The following SAMD11 variants were observed in gnomAD, a reference collection of about 807,000 sequenced individuals.
SAMD11 encodes the protein sterile alpha motif domain containing 11.
SAMD11 carries 77 observed loss-of-function variants against 64.4 expected under a neutral mutation model. The observed-to-expected ratio is 1.20, with a 90% CI of 0.99 to 1.44. The LOEUF is 1.44. Among genes scored for constraint, SAMD11 ranks in the 40% most tolerant of loss-of-function variants. SAMD11 has a pLI of 0.00. For synonymous variants in SAMD11, 658 were observed against 421.9 expected (o/e 1.56, Z -6.86); for missense variants, 1,402 against 943.3 (o/e 1.49, Z -6.37).
chr1:941,253 G>A lies in SAMD11; in HGVS notation c.1305G>A (p.Leu435=). The A allele has an allele frequency of 1.2e-6, 2 of 1,602,350 alleles. No individual in the cohort carries two copies. The highest frequency in any genetic ancestry group is 1.1e-5 in the South Asian group (1 of 89,620). ...STAGQRRKQG[L]AQHREGAAPA... Reference sequence around the variant, plus strand: ...CAGGTCAGCGTCGGAAGCAGGGCCTGGCTCAGCACCGGGAGGGCGCCGCCC... The same window carrying A: ...CAGGTCAGCGTCGGAAGCAGGGCCTAGCTCAGCACCGGGAGGGCGCCGCCC... Residue 435 remains leucine, a synonymous_variant, in exon 8 of 14, where the codon CTG becomes CTA. Transcript: ENST00000616016.
chr1:940,943 C>A, intron 7 of SAMD11: 1 of 526,318 alleles, frequency 1.9e-6, no homozygotes, highest in Non-Finnish European at 3.3e-6. Flanking sequence ...CTTTTCCCGA[C>A]ACTTCCTCGC....
In SAMD11 at chr1:944,035, C is replaced by G; in HGVS notation, c.2417C>G (p.Thr806Arg). ...GGAGAGCAGCCCTTGTCCCCCACGA[C>G]GGCCACGTCCCCCTATGGAGGGGGC... is the stretch of plus-strand genomic sequence containing the variant. ...GTGEQPLSPT[T>R]ATSPYGGGHA... Residue 806 changes from threonine (T) to arginine (R), a missense_variant, in exon 14 of 14, where the codon ACG (threonine) becomes AGG (arginine). Thr to Arg is a moderately conservative substitution (Grantham distance 71, BLOSUM62 -1). Transcript: ENST00000616016. 2 of 1,612,876 alleles carry G rather than the reference C, an allele frequency of 1.2e-6. No individual in the cohort carries two copies. The highest frequency in any genetic ancestry group is 1.7e-6 in the Non-Finnish European group (2 of 1,180,000).
chr1:939,591 C>A, intron 7 of SAMD11, 179 bp downstream of exon 7: 1 of 1,189,220 alleles, frequency 8.4e-7, no homozygotes, highest in Non-Finnish European at 1.2e-6. Context: ...CACGTCCTGC[C>A]CCATGCCCCC....
rs28453979 is a variant in SAMD11 at position 944,539 on chromosome 1, T to C, written c.*386T>C. 4.8e-6 allele frequency: 3 copies of C among 621,932 alleles called. No homozygotes were observed. The highest frequency in any genetic ancestry group is 3.7e-5 in the African/African-American group (2 of 53,408). 38.5% of individuals were successfully genotyped at this position (621,932 alleles called of 1,614,324 possible). A position where few individuals can be genotyped will look rare whatever the true frequency, so the allele number is the denominator to read the frequency against. On this transcript the variant is annotated 3_prime_UTR_variant, in exon 14 of 14. Coordinates refer to ENST00000616016, the MANE Select transcript of SAMD11 (RefSeq NM_001385641.1). Reference sequence around the variant, plus strand: ...AGCCCAGCCCAGCTCTCGATACGTTTGGTCTTTCATGCTGAAAAATAAATA... The same window carrying C: ...AGCCCAGCCCAGCTCTCGATACGTTCGGTCTTTCATGCTGAAAAATAAATA...
At chr1:937,044 C>T (rs549231706) in intron 5 of SAMD11, among the ~76,000 whole-genome samples, 2 of 152,272 alleles carry the variant, frequency 1.3e-5, no homozygotes, top group African/African-American at 4.8e-5. Flanking sequence ...TGTTCGTGCA[C>T]TTCCGGGCTC....
chr1:940,293 G>GCCCCCCCCCCCCCCCC, intron 7 of SAMD11: 2 of 37,012 alleles, frequency 5.4e-5, no homozygotes, highest in Admixed American at 6.8e-4. Flanking sequence ...AGGCCGCGCC[G>GCCCCCCCCCCCCCCCC]CCGCCCCCCC....
chr1:935,135 G>A (rs998876791), intron 4 of SAMD11, among the ~76,000 whole-genome samples: 1 of 152,148 alleles, frequency 6.6e-6, no homozygotes, highest in Non-Finnish European at 1.5e-5. Flanking sequence ...TTAGCAAGAA[G>A]AGGAGAAATG....
At chr1:936,858 A>G (rs1419615328) in intron 5 of SAMD11, among the ~76,000 whole-genome samples, 6 of 152,160 alleles carry the variant, frequency 3.9e-5, no homozygotes, top group African/African-American at 1.4e-4. Flanking sequence ...AGCAGAGCGG[A>G]GGGAGCCCCA....
At position 944,248 on chromosome 1, in the gene SAMD11, C is replaced by T. The variant is rs541429037; in HGVS notation, c.*95C>T. The T allele has an allele frequency of 1.7e-5, 24 of 1,447,836 alleles. No individual in the cohort carries two copies. Among genetic ancestry groups the T allele is most frequent in the African/African-American group, 4.3e-5 (3 of 69,612 alleles). 89.7% of individuals were successfully genotyped at this position (1,447,836 alleles called of 1,614,324 possible). A position where few individuals can be genotyped will look rare whatever the true frequency, so the allele number is the denominator to read the frequency against. ...CCCACCGCTTTATTTCTTTCGGTTTCGGATGCAAAACAAAAAATTTTAAAA... is the reference window on the plus strand; with the variant it reads ...CCCACCGCTTTATTTCTTTCGGTTTTGGATGCAAAACAAAAAATTTTAAAA... On this transcript the variant is annotated 3_prime_UTR_variant, in exon 14 of 14. Transcript: ENST00000616016.
At chr1:927,936 G>A (rs988917816) in intron 2 of SAMD11, among the ~76,000 whole-genome samples, 2 of 152,250 alleles carry the variant, frequency 1.3e-5, no homozygotes, top group South Asian at 2.1e-4. Context: ...CCCCACGCCC[G>A]ACTCTGCGCA....
chr1:932,088 C>T (rs1263824953), intron 4 of SAMD11, among the ~76,000 whole-genome samples: 1 of 152,200 alleles, frequency 6.6e-6, no homozygotes, highest in Non-Finnish European at 1.5e-5. Context: ...ATCTCAGAGC[C>T]GAATTACAAT....
chr1:928,036 C>T (rs989624956), intron 2 of SAMD11, among the ~76,000 whole-genome samples: 2 of 152,244 alleles, frequency 1.3e-5, no homozygotes, highest in African/African-American at 2.4e-5. Context: ...TCCTTGCTTC[C>T]CTCTCTTCCC....
chr1:928,835 C>G lies in SAMD11; in HGVS notation c.610-1320C>G, dbSNP rs550251119. Among the ~76,000 whole-genome samples the G allele has an allele frequency of 1.3e-3, 194 of 152,342 alleles. 1 individual carries two copies. Among genetic ancestry groups the G allele is most frequent in the African/African-American group, 4.3e-3 (180 of 41,576 alleles). On this transcript the variant is annotated intron_variant, in intron 2 of 13. Coordinates refer to ENST00000616016, the MANE Select transcript of SAMD11 (RefSeq NM_001385641.1). Reference sequence around the variant, plus strand: ...CTTCCAGACCCTTGGGGAGGGGGCACTGCCCAAACTAAGCTGGCACTGGGG... The same window carrying G: ...CTTCCAGACCCTTGGGGAGGGGGCAGTGCCCAAACTAAGCTGGCACTGGGG...
intron 2 of SAMD11, among the ~76,000 whole-genome samples, chr1:927,564 G>A (rs1006674400): frequency 2.0e-5 from 3 of 152,168 alleles, no homozygotes; most frequent in African/African-American, 7.2e-5. Context: ...AACTCCAGGG[G>A]CCCCTTCTTT....
intron 12 of SAMD11, 82 bp downstream of exon 12, chr1:943,459 G>A: frequency 1.6e-6 from 2 of 1,263,330 alleles, no homozygotes; most frequent in Admixed American, 2.3e-5. Flanking sequence ...GTGGGGTAGG[G>A]CCATTCCCCA....
chr1:942,429 C>T lies in SAMD11; in HGVS notation c.1494C>T (p.Pro498=), dbSNP rs1474055367. ...CQTPGYGFLP[P]AQAEMFAWQQ... is the part of the protein sequence containing the mutation. ...CACCAGGCTACGGCTTCCTGCCCCC[C>T]GCGCAGGCGGAGATGTTCGCCTGGC... The change falls in exon 10 of 14, where the codon CCC becomes CCT. Residue 498 remains proline, a synonymous_variant. Transcript: ENST00000616016. 1.3e-6 allele frequency: 2 copies of T among 1,486,620 alleles called. No individual in the cohort carries two copies. Among genetic ancestry groups the T allele is most frequent in the Non-Finnish European group, 1.8e-6 (2 of 1,124,646 alleles). The allele number at this position is 1,486,620 out of a possible 1,614,324, so 92.1% of individuals were successfully genotyped here. A position where few individuals can be genotyped will look rare whatever the true frequency, so the allele number is the denominator to read the frequency against.
rs79738099 is a variant in SAMD11 at position 932,172 on chromosome 1, T to G, written c.842+1083T>G. On this transcript the variant is annotated intron_variant, in intron 4 of 13. Transcript: ENST00000616016. ...ACCTGATCATTTTTATGAACTGTCATGAACACTGATGACATTTTATGAGCC... is the reference window on the plus strand; with the variant it reads ...ACCTGATCATTTTTATGAACTGTCAGGAACACTGATGACATTTTATGAGCC... Among the ~76,000 whole-genome samples, 35 of 152,372 alleles carry G rather than the reference T, an allele frequency of 2.3e-4. No homozygotes were observed. In the East Asian group the frequency reaches 6.7e-3, roughly 29 times the overall value.
Position 943,739 on chromosome 1 carries a change from G to C in SAMD11, c.2220G>C (p.Leu740=). 6.2e-7 allele frequency: 1 copy of C among 1,607,180 alleles called. No homozygotes were observed. Among genetic ancestry groups the C allele is most frequent in the Non-Finnish European group, 8.5e-7 (1 of 1,176,548 alleles). The change falls in exon 13 of 14, where the codon CTG becomes CTC. Residue 740 remains leucine, a synonymous_variant. Coordinates refer to ENST00000616016, the MANE Select transcript of SAMD11 (RefSeq NM_001385641.1). ...EQGIDGETLP[L]LTEEHLLTNM... The stretch of plus-strand genomic sequence containing the variant: ...GGATCGACGGGGAGACCCTGCCACT[G>C]CTGACGGAGGAGCACCTGCTGACCA...
intron 8 of SAMD11, among the ~76,000 whole-genome samples, chr1:941,771 C>G (rs963145419): frequency 6.6e-6 from 1 of 152,064 alleles, no homozygotes; most frequent in African/African-American, 2.4e-5. Context: ...AGGCCCGAGT[C>G]CCTGCCCGGC....
Sources: gnomAD v4.1 joint callset for allele counts (sites outside exome capture counted in the v4.1 genomes callset) on GRCh38, gnomAD v4.1.1 for gene constraint, MANE v1.5 for transcripts, NCBI Gene and HGNC (gene_info 2026-07-23, HGNC 2026-07-21) for gene names.